The following FMN2 variants were observed in gnomAD, a reference collection of about 807,000 sequenced individuals.
FMN2 encodes formin-2.
A neutral mutation model predicts 142.3 loss-of-function variants in FMN2; 51 were observed. The ratio of observed to expected loss-of-function variants is 0.36; its 90% CI spans 0.29 to 0.45. The LOEUF (loss-of-function observed/expected upper bound fraction) is 0.45, where lower values mean the gene tolerates loss of function less well. FMN2 is among the 20% of genes least tolerant of loss of function. The pLI, the probability that FMN2 is intolerant of heterozygous loss-of-function variation, is 1.00. For synonymous variants in FMN2, 882 were observed against 869.8 expected (o/e 1.01, Z -0.25); for missense variants, 1,936 against 2,122.8 (o/e 0.91, Z 1.73).
chr1:240,257,971 A>T lies in FMN2; in HGVS notation c.4092A>T (p.Arg1364Ser). The change falls in exon 7 of 18, where the codon AGA becomes AGT. Residue 1364 changes from arginine to serine, a missense_variant. Arg to Ser is a moderately radical substitution (Grantham distance 110). This residue lies in a region of FMN2 where 259 missense variants were observed against 230.9 expected (regional missense o/e 1.12). Transcript: ENST00000319653. ...KQVVKLLSNK[R>S]SQAVGILMSS... Reference sequence around the variant, plus strand: ...TTGTCAAGTTATTAAGCAACAAAAGATCACAAGCAGTTGGAATACTAATGT... The same window carrying T: ...TTGTCAAGTTATTAAGCAACAAAAGTTCACAAGCAGTTGGAATACTAATGT... 6.2e-7 allele frequency: 1 copy of T among 1,613,110 alleles called. No homozygotes were observed. The highest frequency in any genetic ancestry group is 8.5e-7 in the Non-Finnish European group (1 of 1,179,744).
At chr1:240,366,541 T>TTG (rs2103062677) in intron 14 of FMN2, among the ~76,000 whole-genome samples, 1 of 151,956 alleles carries the variant, frequency 6.6e-6, no homozygotes, top group African/African-American at 2.4e-5. Context: ...CTATCCTTTT[T>TTG]TTTTTTTTTA....
intron 14 of FMN2, among the ~76,000 whole-genome samples, chr1:240,381,940 C>G (rs1309463286): frequency 6.6e-6 from 1 of 152,152 alleles, no homozygotes; most frequent in Non-Finnish European, 1.5e-5. Flanking sequence ...TCTCACCACT[C>G]CTAATCAACA....
rs1333393912 is a variant in FMN2, at chr1:240,213,606, C to T, written c.4065+2371C>T. Among the ~76,000 whole-genome samples, 3 of 152,138 alleles carry T rather than the reference C, an allele frequency of 2.0e-5. No individual in the cohort carries two copies. In the East Asian group the frequency reaches 5.8e-4, roughly 29 times the overall value. ...TTCCCCTTTTTATGGGAAATGTGCA[C>T]TGATTGTATGTGCAGACATTTTGGT... On this transcript the variant is annotated intron_variant, in intron 6 of 17. Coordinates refer to ENST00000319653, the MANE Select transcript of FMN2 (RefSeq NM_020066.5).
chr1:240,339,062 C>A (rs115475714), intron 13 of FMN2, among the ~76,000 whole-genome samples: 2 of 152,076 alleles, frequency 1.3e-5, no homozygotes, highest in African/African-American at 4.8e-5. Context: ...GGAGCTCAGG[C>A]GGTAATGCTT....
intron 3 of FMN2, among the ~76,000 whole-genome samples, chr1:240,184,948 T>TCCCCCTTCTCTTTCTCCCTCCTATACCTG (rs150876511): frequency 1.4e-5 from 1 of 72,094 alleles, no homozygotes; most frequent in African/African-American, 4.8e-5. Context: ...TCCTATACCT[T>TCCCCCTTCTCTTTCTCCCTCCTATACCTG]CCCCTTCTCT....
intron 2 of FMN2, among the ~76,000 whole-genome samples, chr1:240,128,353 A>C (rs900545682): frequency 6.6e-6 from 1 of 152,114 alleles, no homozygotes; most frequent in Non-Finnish European, 1.5e-5. Context: ...CTCTTCTAGG[A>C]TTTCTTTAAT....
chr1:240,191,755 GAAAT>G (rs1665708970), intron 4 of FMN2, among the ~76,000 whole-genome samples: 1 of 152,042 alleles, frequency 6.6e-6, no homozygotes, highest in African/African-American at 2.4e-5. Flanking sequence ...TTTTGCTTTT[GAAAT>G]TATATATACA....
At chr1:240,217,312 A>C (rs986263143) in intron 6 of FMN2, among the ~76,000 whole-genome samples, 4 of 152,208 alleles carry the variant, frequency 2.6e-5, no homozygotes, top group African/African-American at 9.6e-5. Context: ...ACTGAATGAT[A>C]ATTTGTGTTA....
Position 240,092,944 on chromosome 1 carries a change from C to G in FMN2, c.835C>G (p.Leu279Val). Residue 279 changes from leucine to valine, a missense_variant, in exon 1 of 18, where the codon CTG (leucine) becomes GTG (valine). Physicochemically the swap from Leu to Val is conservative, Grantham distance 32. This residue lies in a region of FMN2 where 751 missense variants were observed against 791.8 expected (regional missense o/e 0.95). Transcript: ENST00000319653. The stretch of plus-strand genomic sequence containing the variant: ...GCAGGCGCTGTCCGCGCTCTCCGAC[C>G]TGCCCGAGAGCCTGGCCGCCGAGCC... ...TEQALSALSD[L>V]PESLAAEPRE... The G allele has an allele frequency of 6.9e-7, 1 of 1,451,302 alleles. No homozygotes were observed. Among genetic ancestry groups the G allele is most frequent in the Non-Finnish European group, 9.0e-7 (1 of 1,110,058 alleles). 89.9% of individuals were successfully genotyped at this position (1,451,302 alleles called of 1,614,324 possible).
At chr1:240,128,863 G>A (rs1474575169) in intron 2 of FMN2, among the ~76,000 whole-genome samples, 1 of 152,156 alleles carries the variant, frequency 6.6e-6, no homozygotes, top group Non-Finnish European at 1.5e-5. Context: ...ATTATTATGT[G>A]CATTTGAATT....
chr1:240,321,212 A>AT (rs1365979798), intron 8 of FMN2, among the ~76,000 whole-genome samples: 1 of 151,604 alleles, frequency 6.6e-6, no homozygotes, highest in Non-Finnish European at 1.5e-5. Flanking sequence ...AACCGTGGTT[A>AT]TTCATACCTT....
At chr1:240,328,607 G>A (rs4131788) in intron 8 of FMN2, among the ~76,000 whole-genome samples, 4,089 of 60,556 alleles carry the variant, frequency 0.068, 154 homozygotes, top group African/African-American at 0.18. Context: ...TTATTTATTT[G>A]AGACAAGAGT....
chr1:240,313,141 C>G (rs1262809536), intron 8 of FMN2, among the ~76,000 whole-genome samples: 1 of 152,288 alleles, frequency 6.6e-6, no homozygotes, highest in African/African-American at 2.4e-5. Flanking sequence ...GAGGTCTTTA[C>G]TAAGTGAGCT....
At chr1:240,413,689 CT>C (rs1558478644) in intron 15 of FMN2, among the ~76,000 whole-genome samples, 1 of 152,166 alleles carries the variant, frequency 6.6e-6, no homozygotes, top group Non-Finnish European at 1.5e-5. Flanking sequence ...ACAATGGTGT[CT>C]TCTTGGTGAC....
At chr1:240,425,711 C>G (rs1330119384) in intron 15 of FMN2, among the ~76,000 whole-genome samples, 1 of 152,098 alleles carries the variant, frequency 6.6e-6, no homozygotes, top group Non-Finnish European at 1.5e-5. Flanking sequence ...GAAGGAGATC[C>G]AAGATTGAGA....
At chr1:240,366,258 C>A (rs1392738938) in intron 14 of FMN2, among the ~76,000 whole-genome samples, 1 of 152,108 alleles carries the variant, frequency 6.6e-6, no homozygotes, top group African/African-American at 2.4e-5. Context: ...ATACCTGTGT[C>A]CCCTTCAGAA....
intron 8 of FMN2, among the ~76,000 whole-genome samples, chr1:240,299,932 T>C (rs368348667): frequency 1.4e-4 from 21 of 152,166 alleles, no homozygotes; most frequent in East Asian, 1.2e-3. Flanking sequence ...AGGAATAAGG[T>C]GGCGCGCTGT....
intron 4 of FMN2, 139 bp from the exon 5 acceptor site, chr1:240,206,660 A>G (rs1308510345): frequency 4.7e-6 from 5 of 1,070,942 alleles, no homozygotes; most frequent in Non-Finnish European, 6.6e-6. Flanking sequence ...GGGGACACAT[A>G]GAAATATTAA....
At chr1:240,337,526 G>A (rs888814548) in intron 13 of FMN2, among the ~76,000 whole-genome samples, 5 of 152,064 alleles carry the variant, frequency 3.3e-5, no homozygotes, top group African/African-American at 1.2e-4. Context: ...GTTTCCCAGA[G>A]GCAAGTTGTT....
Sources: allele counts gnomAD v4.1 joint callset (sites outside exome capture counted in the v4.1 genomes callset), GRCh38; gene constraint gnomAD v4.1.1; regional missense constraint gnomAD v4.1.1; transcripts MANE v1.5; gene names NCBI Gene and HGNC (gene_info 2026-07-23, HGNC 2026-07-21).